Variants in KIT observed in about 807,000 individuals in gnomAD.
KIT encodes mast/stem cell growth factor receptor Kit.
A neutral mutation model predicts 105.7 loss-of-function variants in KIT; 16 were observed. The observed-to-expected ratio is 0.15, with a 90% CI of 0.10 to 0.23. The LOEUF (loss-of-function observed/expected upper bound fraction) is 0.23, where lower values mean the gene tolerates loss of function less well. Ranked by LOEUF, KIT falls within the 10% of genes least tolerant of loss-of-function variation. KIT has a pLI of 1.00. For missense variants in KIT, 858 were observed against 1,213.8 expected (o/e 0.71, Z 4.36); for synonymous variants, 438 against 441.1 (o/e 0.99, Z 0.09).
At chr4:54,701,372 A>G (rs1224264837) in intron 4 of KIT, among the ~76,000 whole-genome samples, 1 of 152,192 alleles carries the variant, frequency 6.6e-6, no homozygotes, top group Non-Finnish European at 1.5e-5. Context: ...AGCACTATCA[A>G]ATTATTAAAA....
At chr4:54,710,486 G>A (rs1721077440) in intron 7 of KIT, among the ~76,000 whole-genome samples, 1 of 152,184 alleles carries the variant, frequency 6.6e-6, no homozygotes, top group South Asian at 2.1e-4. Context: ...TGGGAACAAA[G>A]GACTGGGGCC....
At chr4:54,727,669 C>A in intron 11 of KIT, 127 bp downstream of exon 11, 1 of 1,373,748 alleles carries the variant, frequency 7.3e-7, no homozygotes. Context: ...AAATTGCGCC[C>A]CTTTTGATAG....
At chr4:54,713,210 C>A (rs1472850377) in intron 7 of KIT, among the ~76,000 whole-genome samples, 2 of 152,034 alleles carry the variant, frequency 1.3e-5, no homozygotes, top group Non-Finnish European at 2.9e-5. Context: ...GTGCACCTGT[C>A]ACCCAAGCAG....
In KIT at chr4:54,709,435, A is replaced by T; in HGVS notation, c.1127A>T (p.Glu376Val). The change falls in exon 7 of 21, where the codon GAA becomes GTA. Residue 376 changes from glutamate (E) to valine (V), a missense_variant. By Grantham distance (121) the Glu-to-Val change is moderately radical. Transcript: ENST00000288135. ...ENESNIRYVS[E>V]LHLTRLKGTE... ...TCTTTTCTTTGTAGATACGTAAGTG[A>T]ACTTCATCTAACGAGATTAAAAGGC... The T allele has an allele frequency of 6.2e-7, 1 of 1,608,876 alleles. No individual in the cohort carries two copies. Among genetic ancestry groups the T allele is most frequent in the Non-Finnish European group, 8.5e-7 (1 of 1,175,186 alleles).
intron 7 of KIT, among the ~76,000 whole-genome samples, chr4:54,720,785 T>C (rs1721820369): frequency 6.6e-6 from 1 of 152,208 alleles, no homozygotes; most frequent in Non-Finnish European, 1.5e-5. Flanking sequence ...ATCTATGTTG[T>C]GAACTTAGCT....
At chr4:54,734,095 G>A (rs1722773702) in intron 17 of KIT, among the ~76,000 whole-genome samples, 1 of 152,130 alleles carries the variant, frequency 6.6e-6, no homozygotes, top group South Asian at 2.1e-4. Context: ...ATGAATTTCT[G>A]AAAAGGCTGC....
chr4:54,733,426 G>A, intron 17 of KIT: 1 of 452,360 alleles, frequency 2.2e-6, no homozygotes, highest in South Asian at 2.3e-5. Flanking sequence ...GGCATGTGAA[G>A]GAAACAGAAA....
intron 1 of KIT, among the ~76,000 whole-genome samples, chr4:54,664,474 C>T (rs1304685927): frequency 6.6e-6 from 1 of 152,180 alleles, no homozygotes; most frequent in East Asian, 1.9e-4. Context: ...ATTAGACATA[C>T]TCCCCAGCCT....
chr4:54,682,135 G>A (rs1324669274), intron 1 of KIT, among the ~76,000 whole-genome samples: 1 of 145,824 alleles, frequency 6.9e-6, no homozygotes, highest in African/African-American at 2.6e-5. Flanking sequence ...TGTCTCCCAG[G>A]CTGGAGTGTA....
chr4:54,707,505 TCA>T (rs1720868232), intron 6 of KIT, among the ~76,000 whole-genome samples: 2 of 152,198 alleles, frequency 1.3e-5, no homozygotes, highest in South Asian at 4.1e-4. Flanking sequence ...CCTGTGTGCC[TCA>T]GTTTTCTCAC....
Position 54,739,890 on chromosome 4 carries a change from C to T in KIT, c.*1333C>T, listed in dbSNP as rs1301559683. ...ATTTGCAGTTCACCTGCACTTAAGG[C>T]ACTCTGTTATTTAGACTCATCTTAC... On this transcript the variant is annotated 3_prime_UTR_variant, in exon 21 of 21. Transcript: ENST00000288135. 3 of 233,382 alleles carry T rather than the reference C, an allele frequency of 1.3e-5. No homozygotes were observed. The highest frequency in any genetic ancestry group is 2.5e-5 in the Non-Finnish European group (3 of 117,950). 14.5% of individuals were successfully genotyped at this position (233,382 alleles called of 1,614,324 possible).
intron 7 of KIT, among the ~76,000 whole-genome samples, chr4:54,716,988 T>C (rs989225791): frequency 6.6e-6 from 1 of 152,240 alleles, no homozygotes; most frequent in African/African-American, 2.4e-5. Flanking sequence ...AATCTTTTTA[T>C]AGATAATATG....
At chr4:54,668,685 T>G (rs947827226) in intron 1 of KIT, among the ~76,000 whole-genome samples, 2 of 152,244 alleles carry the variant, frequency 1.3e-5, no homozygotes, top group Non-Finnish European at 2.9e-5. Context: ...AAATATTTAC[T>G]GGAGATTTTA....
At chr4:54,737,135 G>C (rs371601025) in intron 19 of KIT, 40 bp from the exon 20 acceptor site, 10 of 1,310,158 alleles carry the variant, frequency 7.6e-6, no homozygotes, top group South Asian at 1.2e-5. Flanking sequence ...AACAAGCTGA[G>C]GGCATTGAGG....
intron 16 of KIT, 72 bp downstream of exon 16, chr4:54,732,070 T>TG: frequency 8.5e-7 from 1 of 1,180,288 alleles, no homozygotes; most frequent in Non-Finnish European, 1.2e-6. Context: ...TTTTTTTTTT[T>TG]GAGAACAGAG....
intron 9 of KIT, 73 bp downstream of exon 9, chr4:54,726,123 C>A (rs2109770525): frequency 3.3e-6 from 4 of 1,197,530 alleles, no homozygotes; most frequent in Non-Finnish European, 2.5e-6. Context: ...ATTTTAAGTT[C>A]ATTCCAACAT....
intron 7 of KIT, among the ~76,000 whole-genome samples, chr4:54,719,029 A>G (rs943091431): frequency 1.3e-5 from 2 of 152,346 alleles, no homozygotes; most frequent in Non-Finnish European, 2.9e-5. Context: ...CCGGAAAAGC[A>G]TTGCTTCATT....
intron 1 of KIT, among the ~76,000 whole-genome samples, chr4:54,673,928 C>A (rs566032272): frequency 3.3e-5 from 5 of 152,248 alleles, no homozygotes; most frequent in African/African-American, 1.2e-4. Flanking sequence ...TGCCACCACG[C>A]CCAGCTAATT....
At chr4:54,711,462 G>C (rs1407391677) in intron 7 of KIT, among the ~76,000 whole-genome samples, 1 of 152,166 alleles carries the variant, frequency 6.6e-6, no homozygotes, top group African/African-American at 2.4e-5. Flanking sequence ...AGGGGGCCAT[G>C]GGATAGGATG....
Sources: gnomAD v4.1 joint callset for allele counts (sites outside exome capture counted in the v4.1 genomes callset) on GRCh38, gnomAD v4.1.1 for gene constraint, MANE v1.5 for transcripts, NCBI Gene and HGNC (gene_info 2026-07-23, HGNC 2026-07-21) for gene names.